CFAP45: variants seen among roughly 807,000 people sequenced by gnomAD.
CFAP45 encodes the protein cilia- and flagella-associated protein 45.
CFAP45 carries 43 observed loss-of-function variants against 75.6 expected under a neutral mutation model. That is an observed-to-expected ratio of 0.57 (90% CI 0.45 to 0.73). The LOEUF (loss-of-function observed/expected upper bound fraction) is 0.73, where lower values mean the gene tolerates loss of function less well. Ranked by LOEUF, CFAP45 falls within the 30% of genes least tolerant of loss-of-function variation. The probability of loss-of-function intolerance (pLI) is 0.00; values close to 1 mark genes in which losing one functional copy is unlikely to be tolerated. For synonymous variants in CFAP45, 223 were observed against 244.6 expected, an observed-to-expected ratio of 0.91 and a Z score of 0.82; for missense variants, 689 against 701.5, an observed-to-expected ratio of 0.98 and a Z score of 0.20.
intron 10 of CFAP45, chr1:159,873,369 C>T (rs1649326011): frequency 3.3e-6 from 2 of 597,600 alleles, no homozygotes; most frequent in Admixed American, 3.0e-5. Context: ...CCTACCCAGC[C>T]AGGACTAGCT....
At position 159,890,480 on chromosome 1, in the gene CFAP45, A is replaced by G. The variant is rs561714774; in HGVS notation, c.272T>C (p.Ile91Thr). 4.0e-5 allele frequency: 64 copies of G among 1,614,030 alleles called. No homozygotes were observed. Among genetic ancestry groups the G allele is most frequent in the Non-Finnish European group, 5.4e-5 (64 of 1,179,992 alleles). Reference protein sequence around the residue: ...LITRDMVRELIVPTEDPSGES... With the variant: ...LITRDMVRELTVPTEDPSGES... ...GAAGGGCAGGGGACGGTGTACTCAC[A>G]TGAGTTCTCGGACCATGTCCCGGGT... The change falls in exon 3 of 12, where the codon ATT becomes ACT. Residue 91 changes from isoleucine (I) to threonine (T), a missense_variant and splice_region_variant. Ile to Thr is a moderately conservative substitution (Grantham distance 89). Transcript: ENST00000368099.
chr1:159,873,577 T>A (rs924334270), intron 10 of CFAP45, among the ~76,000 whole-genome samples: 9 of 152,106 alleles, frequency 5.9e-5, no homozygotes, highest in African/African-American at 2.2e-4. Context: ...CTCAAGTGAT[T>A]CTCCCACCTC....
intron 1 of CFAP45, among the ~76,000 whole-genome samples, 189 bp from the exon 2 acceptor site, chr1:159,893,494 A>C (rs1300885793): frequency 2.0e-5 from 3 of 152,208 alleles, no homozygotes; most frequent in Non-Finnish European, 4.4e-5. Flanking sequence ...ATCCCCACAG[A>C]GCAGGGAAGG....
At chr1:159,886,265 G>A (rs997774489) in intron 6 of CFAP45, among the ~76,000 whole-genome samples, 9 of 151,966 alleles carry the variant, frequency 5.9e-5, no homozygotes, top group East Asian at 1.9e-4. Context: ...GCTTGAACCC[G>A]GGAGGTGGAG....
chr1:159,872,555 C>T lies in CFAP45; in HGVS notation c.1586G>A (p.Gly529Asp). ...RKKLEELRAT[G>D]LPEKYCIEAE... ...TTCAATGCAGTACTTCTCGGGAAGG[C>T]CAGTGGCTCTGCCGGGGAAACGCAG... is the stretch of plus-strand genomic sequence containing the variant. The change falls in exon 12 of 12, where the codon GGC (glycine) becomes GAC (aspartate). Residue 529 changes from glycine to aspartate, a missense_variant. Coordinates refer to ENST00000368099, the MANE Select transcript of CFAP45 (RefSeq NM_012337.3). 6.2e-7 allele frequency: 1 copy of T among 1,613,996 alleles called. No homozygotes were observed. The highest frequency in any genetic ancestry group is 8.5e-7 in the Non-Finnish European group (1 of 1,179,856).
chr1:159,879,987 T>C (rs997454129), intron 8 of CFAP45, among the ~76,000 whole-genome samples: 3 of 152,234 alleles, frequency 2.0e-5, no homozygotes, highest in Non-Finnish European at 4.4e-5. Context: ...AATCATTTTA[T>C]TACTCAATTT....
chr1:159,876,716 C>CA lies in CFAP45; in HGVS notation c.1191dup (p.Ala398CysfsTer22), dbSNP rs762201698. 1 of 1,614,212 alleles carries CA rather than the reference C, an allele frequency of 6.2e-7. No homozygotes were observed. Among genetic ancestry groups the CA allele is most frequent in the Admixed American group, 1.7e-5 (1 of 60,026 alleles). On this transcript the variant is annotated frameshift_variant, in exon 10 of 12. Transcript: ENST00000368099. LOFTEE classifies it high-confidence loss of function. Reference sequence around the variant, plus strand: ...TCCTTTCTGCGCCACTCTCTGTCTGCAACCTCCTGGTTGCGCTTGGCCCGC... The same window carrying CA: ...TCCTTTCTGCGCCACTCTCTGTCTGCAAACCTCCTGGTTGCGCTTGGCCCGC...
At chr1:159,876,288 T>C (rs1483386491) in intron 10 of CFAP45, 1 of 522,760 alleles carries the variant, frequency 1.9e-6, no homozygotes, top group Non-Finnish European at 3.4e-6. Context: ...CCTTTATTTA[T>C]ACTTTTACTG....
At chr1:159,886,420 T>C in intron 6 of CFAP45, 91 bp downstream of exon 6, 1 of 1,092,760 alleles carries the variant, frequency 9.2e-7, no homozygotes, top group Non-Finnish European at 1.4e-6. Context: ...ATAATGACCA[T>C]TTCTCATCTC....
Position 159,880,639 on chromosome 1 carries a change from T to C in CFAP45, c.959A>G (p.Asp320Gly), listed in dbSNP as rs1649527127. Residue 320 changes from aspartate (D) to glycine (G), a missense_variant, in exon 8 of 12, where the codon GAT becomes GGT. By Grantham distance (94) the Asp-to-Gly change is moderately conservative (BLOSUM62 -1). Transcript: ENST00000368099. The stretch of plus-strand genomic sequence containing the variant: ...TTCTGCTTTCTGTTTCTGGTTTTCA[T>C]CATTGATGCGCTTAATCTCAGCTTG... ...KMQAEIKRIN[D>G]ENQKQKAELL... 2 of 1,614,060 alleles carry C rather than the reference T, an allele frequency of 1.2e-6. No homozygotes were observed. Among genetic ancestry groups the C allele is most frequent in the East Asian group, 4.5e-5 (2 of 44,878 alleles).
intron 1 of CFAP45, 80 bp from the exon 2 acceptor site, chr1:159,893,385 A>T: frequency 7.2e-7 from 1 of 1,393,648 alleles, no homozygotes; most frequent in Non-Finnish European, 1.0e-6. Flanking sequence ...TCACCAGCCC[A>T]TGCTGGGGGA....
At chr1:159,885,415 G>C (rs1428602637) in intron 6 of CFAP45, among the ~76,000 whole-genome samples, 1 of 152,186 alleles carries the variant, frequency 6.6e-6, no homozygotes, top group South Asian at 2.1e-4. Flanking sequence ...AAGACACAGA[G>C]ATGAATGGTT....
chr1:159,888,519 T>A, intron 3 of CFAP45, 23 bp from the exon 4 acceptor site: 3 of 1,611,046 alleles, frequency 1.9e-6, no homozygotes, highest in Non-Finnish European at 2.5e-6. Context: ...TAAACAGAGT[T>A]AGGGAGGGGA....
intron 10 of CFAP45, among the ~76,000 whole-genome samples, chr1:159,874,998 C>T (rs1649363896): frequency 6.6e-6 from 1 of 152,108 alleles, no homozygotes; most frequent in African/African-American, 2.4e-5. Context: ...TGGATTTGGG[C>T]TGTGGCAGAG....
intron 10 of CFAP45, chr1:159,876,222 T>TC: frequency 3.0e-6 from 1 of 331,120 alleles, no homozygotes; most frequent in Non-Finnish European, 5.7e-6. Flanking sequence ...TGCAGTTTCA[T>TC]CCCCAATTTG....
chr1:159,893,034 A>C (rs1282854218), intron 2 of CFAP45, 146 bp downstream of exon 2: 1 of 820,322 alleles, frequency 1.2e-6, no homozygotes, highest in African/African-American at 1.7e-5. Flanking sequence ...AAAGCTCTGC[A>C]GCTCAGGTCT....
At chr1:159,875,334 G>A (rs1649373993) in intron 10 of CFAP45, among the ~76,000 whole-genome samples, 1 of 152,206 alleles carries the variant, frequency 6.6e-6, no homozygotes, top group Non-Finnish European at 1.5e-5. Flanking sequence ...ATCTTGGGGG[G>A]CATTTAGGAA....
chr1:159,900,148 C>A lies in CFAP45; in HGVS notation c.-50G>T. 1 of 1,613,680 alleles carries A rather than the reference C, an allele frequency of 6.2e-7. No homozygotes were observed. Among genetic ancestry groups the A allele is most frequent in the East Asian group, 2.2e-5 (1 of 44,850 alleles). ...CGGACTTCTGCTGCCGCCTCGGCGC[C>A]GCCAAGGCCCTAGTGTTGACGCGTT... On this transcript the variant is annotated 5_prime_UTR_variant, in exon 1 of 12. Transcript: ENST00000368099.
At chr1:159,899,446 G>GGCA (rs71681563) in intron 1 of CFAP45, among the ~76,000 whole-genome samples, 1 of 34,328 alleles carries the variant, frequency 2.9e-5, no homozygotes, top group South Asian at 2.2e-3. Context: ...CCCATTATCT[G>GGCA]GCCTCCTCAC....
Sources: gnomAD v4.1 joint callset for allele counts (sites outside exome capture counted in the v4.1 genomes callset) on GRCh38, gnomAD v4.1.1 for gene constraint, MANE v1.5 for transcripts, NCBI Gene and HGNC (gene_info 2026-07-23, HGNC 2026-07-21) for gene names.